MRPL20: variants seen among roughly 807,000 people sequenced by gnomAD.
MRPL20 encodes mitochondrial ribosomal protein L20.
MRPL20 carries 21 observed loss-of-function variants against 20.0 expected under a neutral mutation model. The observed-to-expected ratio is 1.05, with a 90% CI of 0.74 to 1.51. The LOEUF is 1.51. Among genes scored for constraint, MRPL20 ranks in the 40% most tolerant of loss-of-function variants. The pLI, the probability that MRPL20 is intolerant of heterozygous loss-of-function variation, is 0.00. For missense variants in MRPL20, 252 were observed against 185.6 expected (o/e 1.36, Z -2.08); for synonymous variants, 104 against 73.0 (o/e 1.43, Z -2.17).
chr1:1,402,194 GAA>G lies in MRPL20; in HGVS notation c.337_338del (p.Phe113GlnfsTer9). 6.2e-7 allele frequency: 1 copy of G among 1,614,054 alleles called. No homozygotes were observed. Among genetic ancestry groups the G allele is most frequent in the East Asian group, 2.2e-5 (1 of 44,870 alleles). ...TACTGGCCAAGGCAGCCAAAGATTT[GAA>G]AGTCTTTGGCTCGTAGATGGCCAGA... is the stretch of plus-strand genomic sequence containing the variant. ...ADLAIYEPKT[F>X]KSLAALASRR... On this transcript the variant is annotated frameshift_variant, in exon 4 of 4. Coordinates refer to ENST00000344843, the MANE Select transcript of MRPL20 (RefSeq NM_017971.4). LOFTEE classifies it high-confidence loss of function.
At chr1:1,405,959 T>A in intron 2 of MRPL20, 73 bp from the exon 3 acceptor site, 1 of 1,542,502 alleles carries the variant, frequency 6.5e-7, no homozygotes, top group East Asian at 2.3e-5. Context: ...CTCTAATTGA[T>A]CTAAAGAATA....
intron 3 of MRPL20, among the ~76,000 whole-genome samples, chr1:1,402,945 G>A (rs1253738282): frequency 2.6e-5 from 4 of 152,020 alleles, no homozygotes; most frequent in African/African-American, 9.7e-5. Context: ...TGGCTAACAC[G>A]GTGAAACCCT....
chr1:1,403,025 A>G (rs1390769853), intron 3 of MRPL20, among the ~76,000 whole-genome samples: 1 of 151,244 alleles, frequency 6.6e-6, no homozygotes, highest in East Asian at 2.0e-4. Flanking sequence ...GCTACTCAGG[A>G]GGCTGAGGCA....
At chr1:1,406,323 C>A in intron 2 of MRPL20, 1 of 180,402 alleles carries the variant, frequency 5.5e-6, no homozygotes. Flanking sequence ...GCACTCCAGC[C>A]TGGGTGACAG....
chr1:1,402,371 A>G, intron 3 of MRPL20, 115 bp from the exon 4 acceptor site: 1 of 1,437,940 alleles, frequency 7.0e-7, no homozygotes, highest in Non-Finnish European at 9.1e-7. Flanking sequence ...GGGGGGAGGG[A>G]AGGCCTAGGA....
rs758896248 is a variant in MRPL20, at chr1:1,406,908, C to A, written c.198+1G>T. On this transcript the variant is annotated splice_donor_variant, in intron 2 of 3. Transcript: ENST00000344843. LOFTEE classifies it high-confidence loss of function. ...GGCGGGTGTCCCGGGTCCACGCTTA[C>A]GGTCCTCATGTTCTTTTTCTTCAGG... 4 of 1,611,674 alleles carry A rather than the reference C, an allele frequency of 2.5e-6. No individual in the cohort carries two copies. Among genetic ancestry groups the A allele is most frequent in the Non-Finnish European group, 3.4e-6 (4 of 1,177,886 alleles).
intron 2 of MRPL20, 61 bp downstream of exon 2, chr1:1,406,848 G>T: frequency 6.9e-7 from 1 of 1,449,196 alleles, no homozygotes; most frequent in Non-Finnish European, 9.7e-7. Flanking sequence ...GCTGGGTCGC[G>T]GCGCAGAAAC....
intron 1 of MRPL20, 41 bp downstream of exon 1, chr1:1,407,090 C>A: frequency 1.9e-6 from 3 of 1,608,196 alleles, no homozygotes; most frequent in African/African-American, 1.3e-5. Flanking sequence ...CCGCGGGATA[C>A]CCCGGGCGCC....
At position 1,405,831 on chromosome 1, in the gene MRPL20, G is replaced by A. The variant is rs762917870; in HGVS notation, c.254C>T (p.Ala85Val). 3.2e-5 allele frequency: 51 copies of A among 1,613,968 alleles called. No individual in the cohort carries two copies. Among genetic ancestry groups the A allele is most frequent in the Non-Finnish European group, 4.1e-5 (48 of 1,180,000 alleles). ...ASQEHGLKYPALIGNLVKCQV... is the reference protein window; with the variant it reads ...ASQEHGLKYPVLIGNLVKCQV... Reference sequence around the variant, plus strand: ...TACCTTAACTAAATTCCCAATGAGCGCTGGATACTTCAGTCCATGTTCCTG... The same window carrying A: ...TACCTTAACTAAATTCCCAATGAGCACTGGATACTTCAGTCCATGTTCCTG... The change falls in exon 3 of 4, where the codon GCG (alanine) becomes GTG (valine). Residue 85 changes from alanine (A) to valine (V), a missense_variant. Coordinates refer to ENST00000344843, the MANE Select transcript of MRPL20 (RefSeq NM_017971.4).
chr1:1,403,450 G>A (rs1645352310), intron 3 of MRPL20, among the ~76,000 whole-genome samples: 1 of 151,868 alleles, frequency 6.6e-6, no homozygotes, highest in Non-Finnish European at 1.5e-5. Flanking sequence ...CACCATGTTA[G>A]CCAGGATGGT....
chr1:1,405,413 A>G (rs945279670), intron 3 of MRPL20: 17 of 574,900 alleles, frequency 3.0e-5, no homozygotes, highest in South Asian at 2.7e-4. Flanking sequence ...AGTAGCTGAC[A>G]TTACATGTCT....
chr1:1,403,850 T>C (rs1232700535), intron 3 of MRPL20, among the ~76,000 whole-genome samples: 2 of 152,114 alleles, frequency 1.3e-5, no homozygotes, highest in Non-Finnish European at 2.9e-5. Context: ...TAAAACTTTT[T>C]GTTGTTGTTG....
Position 1,401,954 on chromosome 1 carries a change from G to T in MRPL20, c.*129C>A, listed in dbSNP as rs1171. ...TTCACACAAAACATGGACATCATCT[G>T]TGAGGCTCTGTCCCAGAGAGACAGG... On this transcript the variant is annotated 3_prime_UTR_variant, in exon 4 of 4. Coordinates refer to ENST00000344843, the MANE Select transcript of MRPL20 (RefSeq NM_017971.4). 181,600 of 1,050,584 alleles carry T rather than the reference G, an allele frequency of 0.17. 30,789 individuals carry two copies. The highest frequency in any genetic ancestry group is 0.86 in the East Asian group (34,533 of 40,352). The allele number at this position is 1,050,584 out of a possible 1,614,324, so 65.1% of individuals were successfully genotyped here.
intron 3 of MRPL20, 49 bp from the exon 4 acceptor site, chr1:1,402,305 C>A (rs1187859682): frequency 2.6e-6 from 4 of 1,555,580 alleles, no homozygotes; most frequent in Non-Finnish European, 2.6e-6. Flanking sequence ...GACACACACT[C>A]CGGCTCCGCG....
intron 3 of MRPL20, among the ~76,000 whole-genome samples, chr1:1,404,185 G>A (rs1204981461): frequency 2.7e-5 from 4 of 148,124 alleles, no homozygotes; most frequent in African/African-American, 5.0e-5. Context: ...ATGGAGTCTC[G>A]CTCTGTCGAC....
Position 1,402,086 on chromosome 1 carries a change from G to C in MRPL20, c.447C>G (p.His149Gln). The change falls in exon 4 of 4, where the codon CAC becomes CAG. Residue 149 changes from histidine (H) to glutamine (Q), a missense_variant. Transcript: ENST00000344843. The part of the protein sequence containing the change: ...EGIFSRVVQY[H>Q] ...CTAATCAATACAGCAACAGTCCTCA[G>C]TGGTACTGCACCACTCTGGAAAAAA... is the stretch of plus-strand genomic sequence containing the variant. 1 of 1,612,320 alleles carries C rather than the reference G, an allele frequency of 6.2e-7. No homozygotes were observed. The highest frequency in any genetic ancestry group is 1.7e-5 in the Admixed American group (1 of 59,428).
At chr1:1,403,659 C>T (rs1021305697) in intron 3 of MRPL20, among the ~76,000 whole-genome samples, 6 of 152,070 alleles carry the variant, frequency 3.9e-5, no homozygotes, top group East Asian at 3.9e-4. Context: ...AAATACCCAC[C>T]CCCTCAACCT....
intron 3 of MRPL20, 85 bp from the exon 4 acceptor site, chr1:1,402,341 A>G: frequency 6.7e-7 from 1 of 1,490,374 alleles, no homozygotes; most frequent in Non-Finnish European, 8.9e-7. Flanking sequence ...CTCAGGAAGA[A>G]CCCAGCTGCA....
intron 3 of MRPL20, chr1:1,402,725 G>T (rs893154803): frequency 2.4e-5 from 18 of 745,510 alleles, no homozygotes; most frequent in Non-Finnish European, 2.8e-5. Context: ...TGTCTCGCCT[G>T]TAATCCCAGC....
Sources: gnomAD v4.1 joint callset for allele counts (sites outside exome capture counted in the v4.1 genomes callset) on GRCh38, gnomAD v4.1.1 for gene constraint, MANE v1.5 for transcripts, NCBI Gene and HGNC (gene_info 2026-07-23, HGNC 2026-07-21) for gene names.